C8orf34: variants seen among roughly 807,000 people sequenced by gnomAD.
The protein encoded by C8orf34 is chromosome 8 open reading frame 34.
Under a neutral mutation model 68.3 loss-of-function variants are expected in C8orf34, and 65 were observed. The ratio of observed to expected loss-of-function variants is 0.95; its 90% CI spans 0.78 to 1.17. The LOEUF (loss-of-function observed/expected upper bound fraction) is 1.17, where lower values mean the gene tolerates loss of function less well. C8orf34 is among the 50% of genes most tolerant of loss of function. The pLI is 0.00. For synonymous variants in C8orf34, 244 were observed against 241.2 expected (o/e 1.01, Z -0.11); for missense variants, 664 against 655.4 (o/e 1.01, Z -0.14).
intron 11 of C8orf34, among the ~76,000 whole-genome samples, chr8:68,779,540 T>G (rs1823616756): frequency 6.6e-6 from 1 of 152,132 alleles, no homozygotes; most frequent in African/African-American, 2.4e-5. Flanking sequence ...TCAAATCTGT[T>G]GAGGTTGGCT....
At chr8:68,677,587 G>C (rs1367902589) in intron 8 of C8orf34, among the ~76,000 whole-genome samples, 2 of 137,816 alleles carry the variant, frequency 1.5e-5, no homozygotes, top group African/African-American at 5.6e-5. Flanking sequence ...AAACTCCTGG[G>C]CTCAAGAGAT....
intron 7 of C8orf34, among the ~76,000 whole-genome samples, chr8:68,571,335 C>T (rs1263797340): frequency 6.6e-6 from 1 of 152,116 alleles, no homozygotes; most frequent in Non-Finnish European, 1.5e-5. Context: ...AGTAAATCCC[C>T]AGAAGGAAAT....
At chr8:68,703,482 C>A (rs1821076741) in intron 8 of C8orf34, among the ~76,000 whole-genome samples, 1 of 152,058 alleles carries the variant, frequency 6.6e-6, no homozygotes, top group African/African-American at 2.4e-5. Context: ...CAAGGTGGGA[C>A]AAGCAACTTT....
At chr8:68,431,349 TA>T (rs1301163542) in intron 1 of C8orf34, among the ~76,000 whole-genome samples, 2 of 152,202 alleles carry the variant, frequency 1.3e-5, no homozygotes, top group African/African-American at 4.8e-5. Context: ...TTTTCTTTTT[TA>T]TGGGAACTTC....
chr8:68,746,928 C>A (rs1475411364), intron 10 of C8orf34, among the ~76,000 whole-genome samples: 1 of 151,718 alleles, frequency 6.6e-6, no homozygotes, highest in African/African-American at 2.4e-5. Context: ...AGAGACACAA[C>A]CAAAAAAGAG....
rs1219040347 is a variant in C8orf34 at position 68,603,984 on chromosome 8, A to G, written c.1106-36392A>G. On this transcript the variant is annotated intron_variant, in intron 7 of 13. Transcript: ENST00000518698. Reference sequence around the variant, plus strand: ...AGAAGGCAGAAAGTGAAAGAAGATTAAGATATAATTTATGAGAGTTAACAA... The same window carrying G: ...AGAAGGCAGAAAGTGAAAGAAGATTGAGATATAATTTATGAGAGTTAACAA... Among the ~76,000 whole-genome samples the G allele has an allele frequency of 3.9e-5, 6 of 152,320 alleles. No individual in the cohort carries two copies. The East Asian group carries it at 1.2e-3, about 29-fold the overall frequency.
intron 10 of C8orf34, among the ~76,000 whole-genome samples, chr8:68,772,885 TTCC>T (rs772600160): frequency 1.3e-4 from 20 of 151,466 alleles, no homozygotes; most frequent in Non-Finnish European, 1.6e-4. Context: ...CCTTCCTTCC[TTCC>T]TTCTTTCTTT....
intron 1 of C8orf34, among the ~76,000 whole-genome samples, chr8:68,334,037 A>G (rs956140925): frequency 6.6e-6 from 1 of 152,240 alleles, no homozygotes; most frequent in African/African-American, 2.4e-5. Context: ...CTATTCACTG[A>G]TATTGAGAAT....
intron 1 of C8orf34, among the ~76,000 whole-genome samples, chr8:68,417,348 G>T (rs999519243): frequency 6.6e-6 from 1 of 151,858 alleles, no homozygotes; most frequent in Non-Finnish European, 1.5e-5. Flanking sequence ...ACCATATATT[G>T]CCGTTTGTAA....
At chr8:68,696,315 A>G (rs1020067626) in intron 8 of C8orf34, among the ~76,000 whole-genome samples, 3 of 148,366 alleles carry the variant, frequency 2.0e-5, no homozygotes, top group South Asian at 2.1e-4. Context: ...TATATATCAT[A>G]CAATCAAAAC....
At chr8:68,429,234 G>A (rs1012221445) in intron 1 of C8orf34, among the ~76,000 whole-genome samples, 2 of 152,072 alleles carry the variant, frequency 1.3e-5, no homozygotes, top group African/African-American at 4.8e-5. Flanking sequence ...GTAGAAAAAT[G>A]GCAAATAAAT....
chr8:68,479,485 TTAGGG>T (rs1289804022), intron 4 of C8orf34, among the ~76,000 whole-genome samples: 1 of 151,928 alleles, frequency 6.6e-6, no homozygotes, highest in Non-Finnish European at 1.5e-5. Flanking sequence ...TTAATGGTTT[TTAGGG>T]TATTAGTGGA....
intron 12 of C8orf34, among the ~76,000 whole-genome samples, chr8:68,810,314 G>C (rs1824607339): frequency 6.6e-6 from 1 of 152,212 alleles, no homozygotes; most frequent in South Asian, 2.1e-4. Context: ...CACGGACATT[G>C]TCTCCTTTGA....
At chr8:68,476,410 T>A (rs1286303815) in intron 4 of C8orf34, among the ~76,000 whole-genome samples, 2 of 152,156 alleles carry the variant, frequency 1.3e-5, no homozygotes, top group Non-Finnish European at 2.9e-5. Flanking sequence ...AGATGTGTCG[T>A]GGAGACAGAT....
chr8:68,390,630 C>A (rs889977307), intron 1 of C8orf34, among the ~76,000 whole-genome samples: 6 of 152,036 alleles, frequency 3.9e-5, no homozygotes, highest in Non-Finnish European at 7.4e-5. Context: ...TGTGTACATT[C>A]CCCAGGCATG....
chr8:68,589,241 G>A (rs374104566), intron 7 of C8orf34, among the ~76,000 whole-genome samples: 2 of 152,090 alleles, frequency 1.3e-5, no homozygotes, highest in African/African-American at 4.8e-5. Context: ...CCATCCATCC[G>A]TGTGTTCATT....
intron 1 of C8orf34, among the ~76,000 whole-genome samples, chr8:68,338,697 G>A (rs1218607104): frequency 6.6e-6 from 1 of 151,980 alleles, no homozygotes; most frequent in Non-Finnish European, 1.5e-5. Context: ...TATTCCGTAT[G>A]GCTATGTGCT....
At chr8:68,705,712 G>A (rs1821143902) in intron 8 of C8orf34, among the ~76,000 whole-genome samples, 1 of 152,032 alleles carries the variant, frequency 6.6e-6, no homozygotes, top group South Asian at 2.1e-4. Flanking sequence ...TATAATTAAG[G>A]GAGGTATTTA....
intron 5 of C8orf34, among the ~76,000 whole-genome samples, chr8:68,496,447 T>C (rs1563486230): frequency 1.3e-5 from 2 of 152,240 alleles, no homozygotes; most frequent in African/African-American, 4.8e-5. Flanking sequence ...AAATTTACCT[T>C]CAAAACTCAT....
Sources: gnomAD v4.1 joint callset for allele counts (sites outside exome capture counted in the v4.1 genomes callset) on GRCh38, gnomAD v4.1.1 for gene constraint, MANE v1.5 for transcripts, NCBI Gene and HGNC (gene_info 2026-07-23, HGNC 2026-07-21) for gene names.